The following JDP2 variants were observed in gnomAD, a reference collection of about 807,000 sequenced individuals.
JDP2 encodes the protein progesterone receptor co-activator.
In JDP2, 9 loss-of-function variants were observed where a neutral mutation model predicts 17.1. The ratio of observed to expected loss-of-function variants is 0.53; its 90% confidence interval spans 0.32 to 0.92. The LOEUF (loss-of-function observed/expected upper bound fraction) is 0.92. JDP2 is among the 40% of genes least tolerant of loss of function. The pLI, the probability that JDP2 is intolerant of heterozygous loss-of-function variation, is 0.04. For synonymous variants in JDP2, 107 were observed against 95.6 expected (o/e 1.12, Z -0.69); for missense variants, 179 against 220.0 (o/e 0.81, Z 1.18).
At chr14:75,464,601 G>T (rs1201573781) in intron 3 of JDP2, among the ~76,000 whole-genome samples, 1 of 152,162 alleles carries the variant, frequency 6.6e-6, no homozygotes, top group Non-Finnish European at 1.5e-5. Context: ...TATCCTCGGG[G>T]AGTCCTGGGA....
chr14:75,465,990 T>A (rs1422756042), intron 3 of JDP2, among the ~76,000 whole-genome samples: 1 of 152,156 alleles, frequency 6.6e-6, no homozygotes, highest in African/African-American at 2.4e-5. Flanking sequence ...GAAAACAAAT[T>A]AGATAATTGT....
At chr14:75,448,518 A>T (rs1885710790) in intron 2 of JDP2, among the ~76,000 whole-genome samples, 1 of 152,046 alleles carries the variant, frequency 6.6e-6, no homozygotes, top group African/African-American at 2.4e-5. Flanking sequence ...CACCTATCTC[A>T]AGCTTCCTAG....
At chr14:75,442,470 G>T (rs1276563775) in intron 2 of JDP2, among the ~76,000 whole-genome samples, 1 of 152,118 alleles carries the variant, frequency 6.6e-6, no homozygotes, top group African/African-American at 2.4e-5. Context: ...TTGAGTCTGT[G>T]TCCCATGTTT....
At chr14:75,434,563 G>A (rs1264603041) in intron 1 of JDP2, among the ~76,000 whole-genome samples, 1 of 152,116 alleles carries the variant, frequency 6.6e-6, no homozygotes, top group African/African-American at 2.4e-5. Context: ...GTGCTCCCAG[G>A]GGGTGGCCGC....
chr14:75,440,978 C>T (rs1384431461), intron 2 of JDP2, among the ~76,000 whole-genome samples: 1 of 152,240 alleles, frequency 6.6e-6, no homozygotes, highest in African/African-American at 2.4e-5. Context: ...TGCCTCTATA[C>T]CCCTTCCAGG....
In JDP2 at chr14:75,437,912, C is replaced by A. The variant is rs201898432; in HGVS notation, c.-9C>A. 5,968 of 1,600,008 alleles carry A rather than the reference C, an allele frequency of 3.7e-3. 60 individuals carry two copies. The highest frequency in any genetic ancestry group is 0.023 in the South Asian group (2,088 of 89,434). On this transcript the variant is annotated 5_prime_UTR_variant, in exon 2 of 4. Transcript: ENST00000651602. ...GCCCACTCCAGGCTGGCCTGCCACTCCTCCTGCTATGATGCCTGGGCAGAT... is the reference window on the plus strand; with the variant it reads ...GCCCACTCCAGGCTGGCCTGCCACTACTCCTGCTATGATGCCTGGGCAGAT...
rs768620919 is a variant in JDP2, at chr14:75,455,934, C to T, written c.202-5492C>T. 6.6e-5 allele frequency among the ~76,000 whole-genome samples: 10 copies of T among 152,162 alleles called. No individual in the cohort carries two copies. In the South Asian group the frequency reaches 1.4e-3, roughly 22 times the overall value. On this transcript the variant is annotated intron_variant, in intron 2 of 3. Coordinates refer to ENST00000651602, the MANE Select transcript of JDP2 (RefSeq NM_001135048.2). ...ATTGGCGGCTGCTTAAGGGCCCTTC[C>T]GCATCCAGGCTCTGCTGCTTTCTCA...
chr14:75,433,195 C>CAAAAAAAAAAAA (rs780191475), intron 1 of JDP2, among the ~76,000 whole-genome samples: 4 of 19,398 alleles, frequency 2.1e-4, no homozygotes, highest in Non-Finnish European at 3.8e-4. Context: ...AACTCCGTCT[C>CAAAAAAAAAAAA]AAAAAAAAAA....
rs115294465 is a variant in JDP2, at chr14:75,444,426, C to T, written c.201+6305C>T. 4.5e-3 allele frequency among the ~76,000 whole-genome samples: 680 copies of T among 152,310 alleles called. 5 individuals carry two copies. Among genetic ancestry groups the T allele is most frequent in the African/African-American group, 0.016 (651 of 41,556 alleles). Reference sequence around the variant, plus strand: ...TGGGTGGTCTGAGGCGTTGCAGGAGCAGGGCACATCCAGGCTTCCTAACCA... The same window carrying T: ...TGGGTGGTCTGAGGCGTTGCAGGAGTAGGGCACATCCAGGCTTCCTAACCA... On this transcript the variant is annotated intron_variant, in intron 2 of 3. Transcript: ENST00000651602.
At chr14:75,464,093 C>T (rs1886461921) in intron 3 of JDP2, among the ~76,000 whole-genome samples, 1 of 152,290 alleles carries the variant, frequency 6.6e-6, no homozygotes, top group East Asian at 1.9e-4. Flanking sequence ...GGGCCCAAGC[C>T]CAGTCCTCCC....
intron 1 of JDP2, among the ~76,000 whole-genome samples, chr14:75,434,450 C>T (rs1051047592): frequency 1.8e-4 from 27 of 152,058 alleles, no homozygotes; most frequent in Non-Finnish European, 1.0e-4. Context: ...GACAGGGGGA[C>T]TTTTGCTTCT....
intron 2 of JDP2, among the ~76,000 whole-genome samples, chr14:75,456,906 C>G (rs1440636576): frequency 6.6e-6 from 1 of 152,156 alleles, no homozygotes; most frequent in Non-Finnish European, 1.5e-5. Context: ...TGCACGAGGG[C>G]CCTCTTGGTC....
At chr14:75,436,914 C>G (rs1885088705) in intron 1 of JDP2, among the ~76,000 whole-genome samples, 1 of 152,186 alleles carries the variant, frequency 6.6e-6, no homozygotes, top group South Asian at 2.1e-4. Context: ...ATGGAGGTAG[C>G]CGGGCGCAGT....
intron 3 of JDP2, among the ~76,000 whole-genome samples, chr14:75,463,067 G>C (rs1038721244): frequency 1.3e-5 from 2 of 152,178 alleles, no homozygotes; most frequent in Non-Finnish European, 2.9e-5. Flanking sequence ...GAAGCTTCAC[G>C]TGAGATCCCT....
intron 3 of JDP2, among the ~76,000 whole-genome samples, chr14:75,464,769 G>A (rs951994906): frequency 2.6e-5 from 4 of 152,192 alleles, no homozygotes; most frequent in African/African-American, 4.8e-5. Context: ...CCTGAACCCC[G>A]GGGAAGGGGC....
intron 1 of JDP2, among the ~76,000 whole-genome samples, chr14:75,429,134 TGAG>T (rs1261384874): frequency 6.6e-6 from 1 of 151,962 alleles, no homozygotes; most frequent in Non-Finnish European, 1.5e-5. Flanking sequence ...GCAGGGAAGA[TGAG>T]GAGGCTGGGG....
At chr14:75,465,953 T>C (rs1886553753) in intron 3 of JDP2, among the ~76,000 whole-genome samples, 1 of 152,198 alleles carries the variant, frequency 6.6e-6, no homozygotes, top group African/African-American at 2.4e-5. Context: ...GTGAGAAAGA[T>C]CTTCGCTCAG....
Position 75,448,711 on chromosome 14 carries a change from G to A in JDP2, c.201+10590G>A, listed in dbSNP as rs989858903. ...GGACTTCCCAATTAATTACGCTGCC[G>A]AGCTTGTCAATAGGCTGGTTCCTTC... is the stretch of plus-strand genomic sequence containing the variant. On this transcript the variant is annotated intron_variant, in intron 2 of 3. Transcript: ENST00000651602. Among the ~76,000 whole-genome samples the A allele has an allele frequency of 7.9e-5, 12 of 152,154 alleles. No homozygotes were observed. The East Asian group carries it at 1.3e-3, about 17-fold the overall frequency.
At chr14:75,467,339 C>T (rs538420080) in intron 3 of JDP2, among the ~76,000 whole-genome samples, 1 of 152,318 alleles carries the variant, frequency 6.6e-6, no homozygotes, top group South Asian at 2.1e-4. Context: ...CGCTCTTTAG[C>T]CCTCTCTAAG....
Sources: allele counts gnomAD v4.1 joint callset (sites outside exome capture counted in the v4.1 genomes callset), GRCh38; gene constraint gnomAD v4.1.1; transcripts MANE v1.5; gene names NCBI Gene and HGNC (gene_info 2026-07-23, HGNC 2026-07-21).